The following CACNA2D3 variants were observed in gnomAD, a reference collection of about 807,000 sequenced individuals.
CACNA2D3 encodes the protein calcium voltage-gated channel auxiliary subunit alpha2delta 3, also known as voltage-dependent calcium channel subunit alpha-2/delta-3.
CACNA2D3 carries 60 observed loss-of-function variants against 160.6 expected under a neutral mutation model. That is an observed-to-expected ratio of 0.37 (90% CI 0.30 to 0.46). The LOEUF (loss-of-function observed/expected upper bound fraction) is 0.46, where lower values mean the gene tolerates loss of function less well. Among genes scored for constraint, CACNA2D3 ranks in the 20% least tolerant of loss-of-function variants. The pLI is 1.00. For missense variants in CACNA2D3, 1,205 were observed against 1,365.0 expected (o/e 0.88, Z 1.85); for synonymous variants, 558 against 492.9 (o/e 1.13, Z -1.75).
chr3:54,539,930 G>A (rs146496924), intron 5 of CACNA2D3, among the ~76,000 whole-genome samples: 158 of 152,238 alleles, frequency 1.0e-3, no homozygotes, highest in African/African-American at 3.6e-3. Flanking sequence ...GAGAGGAACC[G>A]CCATCCATTT....
chr3:54,881,908 C>T (rs1699806842), intron 21 of CACNA2D3, among the ~76,000 whole-genome samples: 1 of 152,202 alleles, frequency 6.6e-6, no homozygotes, highest in Non-Finnish European at 1.5e-5. Flanking sequence ...TAGATAGCCT[C>T]TGATTTACTG....
intron 27 of CACNA2D3, among the ~76,000 whole-genome samples, chr3:54,929,148 A>C (rs144902710): frequency 6.6e-6 from 1 of 152,136 alleles, no homozygotes; most frequent in Non-Finnish European, 1.5e-5. Context: ...TGGCTCCACC[A>C]TCACCAGCTG....
At chr3:54,803,813 G>A (rs771993570) in intron 13 of CACNA2D3, among the ~76,000 whole-genome samples, 71 of 152,236 alleles carry the variant, frequency 4.7e-4, no homozygotes, top group Admixed American at 7.2e-4. Flanking sequence ...GAGAAAGGTC[G>A]GATTACCCAC....
intron 4 of CACNA2D3, among the ~76,000 whole-genome samples, chr3:54,446,764 C>T (rs1700228272): frequency 6.6e-6 from 1 of 152,094 alleles, no homozygotes; most frequent in South Asian, 2.1e-4. Flanking sequence ...ACAGCGCTGG[C>T]AGTGCACGAT....
intron 2 of CACNA2D3, among the ~76,000 whole-genome samples, chr3:54,281,293 A>C (rs1237240328): frequency 6.6e-6 from 1 of 152,218 alleles, no homozygotes; most frequent in Non-Finnish European, 1.5e-5. Context: ...GGAAGGCATC[A>C]CTATATTTTT....
At chr3:54,740,157 C>T (rs190625595) in intron 11 of CACNA2D3, among the ~76,000 whole-genome samples, 44 of 152,072 alleles carry the variant, frequency 2.9e-4, no homozygotes, top group Non-Finnish European at 7.4e-5. Flanking sequence ...ACGTAGTCTC[C>T]GATGGGGTAT....
At chr3:54,275,832 G>A (rs1176844872) in intron 2 of CACNA2D3, among the ~76,000 whole-genome samples, 1 of 152,062 alleles carries the variant, frequency 6.6e-6, no homozygotes, top group Non-Finnish European at 1.5e-5. Context: ...TGGCCAGGCT[G>A]GTCTTGAACT....
At chr3:54,678,545 A>AC (rs1700282427) in intron 11 of CACNA2D3, among the ~76,000 whole-genome samples, 1 of 151,856 alleles carries the variant, frequency 6.6e-6, no homozygotes, top group Non-Finnish European at 1.5e-5. Context: ...ATATGGTGAC[A>AC]CCCCATCTCT....
intron 11 of CACNA2D3, among the ~76,000 whole-genome samples, chr3:54,732,473 A>T (rs1407287308): frequency 6.6e-6 from 1 of 152,222 alleles, no homozygotes; most frequent in East Asian, 1.9e-4. Flanking sequence ...CTCTGGGTTA[A>T]GAATTTAATG....
At chr3:54,317,813 A>G (rs1419232527) in intron 2 of CACNA2D3, among the ~76,000 whole-genome samples, 1 of 152,180 alleles carries the variant, frequency 6.6e-6, no homozygotes, top group African/African-American at 2.4e-5. Context: ...TGCTGGGATT[A>G]CAGGTGTGAA....
intron 2 of CACNA2D3, among the ~76,000 whole-genome samples, chr3:54,166,035 G>C (rs200892143): frequency 6.6e-6 from 1 of 152,176 alleles, no homozygotes; most frequent in Admixed American, 6.5e-5. Context: ...CCAGACATGG[G>C]AAGAGTACAG....
rs1005933007 is a variant in CACNA2D3 at position 54,449,073 on chromosome 3, C to A, written c.382-54419C>A. ...GTAGCAAACTACTTTTTAATGTCAT[C>A]ATTGAACTGTAGTTTTGAATCTCCA... On this transcript the variant is annotated intron_variant, in intron 4 of 37. Transcript: ENST00000474759. 9.2e-5 allele frequency among the ~76,000 whole-genome samples: 14 copies of A among 152,304 alleles called. No individual in the cohort carries two copies. In the South Asian group the frequency reaches 1.2e-3, roughly 14 times the overall value.
chr3:54,904,056 C>A (rs1700400781), intron 27 of CACNA2D3, among the ~76,000 whole-genome samples: 1 of 152,168 alleles, frequency 6.6e-6, no homozygotes, highest in African/African-American at 2.4e-5. Flanking sequence ...AGGCTGCAAA[C>A]CCCAAGATCC....
chr3:54,899,949 C>G (rs1184165323), intron 27 of CACNA2D3, 81 bp downstream of exon 27: 1 of 950,434 alleles, frequency 1.1e-6, no homozygotes, highest in African/African-American at 1.6e-5. Context: ...CTGTGAGGCA[C>G]GCTTATCCTC....
At chr3:54,543,102 C>T (rs1374264398) in intron 5 of CACNA2D3, among the ~76,000 whole-genome samples, 1 of 152,104 alleles carries the variant, frequency 6.6e-6, no homozygotes, top group Non-Finnish European at 1.5e-5. Context: ...AATACATATC[C>T]CTTCAAATAC....
chr3:54,346,764 T>C (rs1013196948), intron 3 of CACNA2D3, among the ~76,000 whole-genome samples: 3 of 152,244 alleles, frequency 2.0e-5, no homozygotes, highest in Non-Finnish European at 2.9e-5. Flanking sequence ...AACAAGTGTG[T>C]AATGTCCTGT....
chr3:54,949,849 A>G (rs1403820398), intron 27 of CACNA2D3, among the ~76,000 whole-genome samples: 1 of 152,190 alleles, frequency 6.6e-6, no homozygotes, highest in East Asian at 1.9e-4. Context: ...TGCCAAGCTC[A>G]TCTGGCATGC....
intron 2 of CACNA2D3, among the ~76,000 whole-genome samples, chr3:54,291,451 A>T (rs944463643): frequency 6.6e-6 from 1 of 152,090 alleles, no homozygotes. Context: ...TTTCATTCAT[A>T]TTGGTGAAAG....
At chr3:54,918,246 C>G in intron 27 of CACNA2D3, 1 of 533,938 alleles carries the variant, frequency 1.9e-6, no homozygotes. Flanking sequence ...GCACAAGTAT[C>G]ATCTTTATTT....
Sources: allele counts gnomAD v4.1 joint callset (sites outside exome capture counted in the v4.1 genomes callset), GRCh38; gene constraint gnomAD v4.1.1; transcripts MANE v1.5; gene names NCBI Gene and HGNC (gene_info 2026-07-23, HGNC 2026-07-21).